SMLR1: variants seen among roughly 807,000 people sequenced by gnomAD.
The protein encoded by SMLR1 is small leucine-rich protein 1.
SMLR1 carries 3 observed loss-of-function variants against 6.1 expected under a neutral mutation model. That is an observed-to-expected ratio of 0.49 (90% CI 0.22 to 1.28). SMLR1 has a LOEUF of 1.28. SMLR1 is among the 50% of genes most tolerant of loss of function. The probability of loss-of-function intolerance (pLI) is 0.19; values close to 1 mark genes in which losing one functional copy is unlikely to be tolerated. For missense variants in SMLR1, 126 were observed against 124.8 expected, an observed-to-expected ratio of 1.01 and a Z score of -0.05; for synonymous variants, 55 against 53.6, an observed-to-expected ratio of 1.03 and a Z score of -0.11.
In SMLR1 at chr6:130,835,210, T is replaced by C. The variant is rs1774616244; in HGVS notation, c.*255T>C. ...CTGGGTATATACACTGGACACATTG[T>C]AACTTTTTAACTTTTATTGTGACTG... On this transcript the variant is annotated 3_prime_UTR_variant, in exon 2 of 2. Coordinates refer to ENST00000541421, the MANE Select transcript of SMLR1 (RefSeq NM_001195597.2). 5.4e-6 allele frequency: 2 copies of C among 372,096 alleles called. No individual in the cohort carries two copies. The highest frequency in any genetic ancestry group is 3.8e-5 in the Admixed American group (1 of 26,120). The allele number at this position is 372,096 out of a possible 1,614,324, so 23.0% of individuals were successfully genotyped here. A position where few individuals can be genotyped will look rare whatever the true frequency, so the allele number is the denominator to read the frequency against.
Position 130,835,085 on chromosome 6 carries a change from T to C in SMLR1, c.*130T>C. 1.3e-6 allele frequency: 1 copy of C among 759,284 alleles called. No individual in the cohort carries two copies. The highest frequency in any genetic ancestry group is 2.2e-6 in the Non-Finnish European group (1 of 463,468). The allele number at this position is 759,284 out of a possible 1,614,324, so 47.0% of individuals were successfully genotyped here. On this transcript the variant is annotated 3_prime_UTR_variant, in exon 2 of 2. Coordinates refer to ENST00000541421, the MANE Select transcript of SMLR1 (RefSeq NM_001195597.2). ...CAAAATAGAAAGAATACTAAGATACTCATTCTGAACCATACTGAAAAGTGG... is the reference window on the plus strand; with the variant it reads ...CAAAATAGAAAGAATACTAAGATACCCATTCTGAACCATACTGAAAAGTGG...
chr6:130,830,311 C>T (rs1427403299), intron 1 of SMLR1, among the ~76,000 whole-genome samples: 1 of 152,040 alleles, frequency 6.6e-6, no homozygotes, highest in Admixed American at 6.6e-5. Flanking sequence ...TGTGGTTTTT[C>T]CCCATTGTCT....
intron 1 of SMLR1, among the ~76,000 whole-genome samples, chr6:130,831,342 A>G (rs6921221): frequency 0.029 from 4,350 of 151,226 alleles, 213 homozygotes; most frequent in African/African-American, 0.1. Flanking sequence ...CAGTGCATCT[A>G]TTTTTTTTTG....
At chr6:130,832,835 G>A (rs1343266243) in intron 1 of SMLR1, among the ~76,000 whole-genome samples, 1 of 152,062 alleles carries the variant, frequency 6.6e-6, no homozygotes, top group Non-Finnish European at 1.5e-5. Context: ...AGTCCTTTTG[G>A]TCCAGACAGA....
intron 1 of SMLR1, among the ~76,000 whole-genome samples, chr6:130,829,700 T>C (rs1025682307): frequency 6.6e-6 from 1 of 152,238 alleles, no homozygotes; most frequent in Non-Finnish European, 1.5e-5. Flanking sequence ...AGGCTCCCAA[T>C]AACCTCTTGT....
At chr6:130,834,731 A>G in intron 1 of SMLR1, 139 bp from the exon 2 acceptor site, 1 of 652,750 alleles carries the variant, frequency 1.5e-6, no homozygotes, top group Non-Finnish European at 2.7e-6. Flanking sequence ...CTGTAATAGG[A>G]TCTGCTTGGA....
rs1774614127 is a variant in SMLR1, at chr6:130,835,170, C to T, written c.*215C>T. ...GTATAACAGCAGCTCTTGAAAAGTA[C>T]CAAGAATGGATTTCCTGGGTATATA... On this transcript the variant is annotated 3_prime_UTR_variant, in exon 2 of 2. Coordinates refer to ENST00000541421, the MANE Select transcript of SMLR1 (RefSeq NM_001195597.2). The T allele has an allele frequency of 1.9e-6, 1 of 537,154 alleles. No homozygotes were observed. 33.3% of individuals were successfully genotyped at this position (537,154 alleles called of 1,614,324 possible). A position where few individuals can be genotyped will look rare whatever the true frequency, so the allele number is the denominator to read the frequency against.
At position 130,836,188 on chromosome 6, in the gene SMLR1, G is replaced by A. The variant is rs2048932706; in HGVS notation, c.*1233G>A. On this transcript the variant is annotated 3_prime_UTR_variant, in exon 2 of 2. Coordinates refer to ENST00000541421, the MANE Select transcript of SMLR1 (RefSeq NM_001195597.2). ...ATATAAAACTTATTGCTAGAATAAA[G>A]ACACTCACTTCTGCATTTTACTGCA... The A allele has an allele frequency of 6.6e-6, 1 of 152,118 alleles. No homozygotes were observed. Among genetic ancestry groups the A allele is most frequent in the South Asian group, 2.1e-4 (1 of 4,828 alleles). The allele number at this position is 152,118 out of a possible 1,614,324, so 9.4% of individuals were successfully genotyped here. A position where few individuals can be genotyped will look rare whatever the true frequency, so the allele number is the denominator to read the frequency against.
At chr6:130,829,710 T>C (rs1583392910) in intron 1 of SMLR1, among the ~76,000 whole-genome samples, 1 of 152,216 alleles carries the variant, frequency 6.6e-6, no homozygotes. Context: ...TAACCTCTTG[T>C]TTCTTCACAC....
At chr6:130,827,864 G>A (rs1477382586) in intron 1 of SMLR1, among the ~76,000 whole-genome samples, 3 of 149,252 alleles carry the variant, frequency 2.0e-5, no homozygotes, top group Non-Finnish European at 4.5e-5. Flanking sequence ...GAGATGTGAA[G>A]GTCTGCTGTA....
intron 1 of SMLR1, among the ~76,000 whole-genome samples, chr6:130,831,172 C>T (rs1774433260): frequency 6.6e-6 from 1 of 152,046 alleles, no homozygotes; most frequent in Non-Finnish European, 1.5e-5. Flanking sequence ...AGACTGAGCC[C>T]AAAGCAAACC....
intron 1 of SMLR1, among the ~76,000 whole-genome samples, chr6:130,831,517 G>A (rs1405138399): frequency 6.6e-6 from 1 of 152,016 alleles, no homozygotes. Flanking sequence ...TTATAGTTCT[G>A]GCACCATTTT....
chr6:130,836,940 T>C lies in SMLR1; in HGVS notation c.*1985T>C, dbSNP rs1196962462. 1 of 152,136 alleles carries C rather than the reference T, an allele frequency of 6.6e-6. No homozygotes were observed. The highest frequency in any genetic ancestry group is 1.9e-4 in the East Asian group (1 of 5,190). The allele number at this position is 152,136 out of a possible 1,614,324, so 9.4% of individuals were successfully genotyped here. A position where few individuals can be genotyped will look rare whatever the true frequency, so the allele number is the denominator to read the frequency against. ...GACCAAGTCGGCAGTCTCCCTACAT[T>C]ACCCTACATTCAGCTGCATCCTATG... On this transcript the variant is annotated 3_prime_UTR_variant, in exon 2 of 2. Coordinates refer to ENST00000541421, the MANE Select transcript of SMLR1 (RefSeq NM_001195597.2).
At chr6:130,831,774 T>C (rs754804578) in intron 1 of SMLR1, among the ~76,000 whole-genome samples, 17 of 152,094 alleles carry the variant, frequency 1.1e-4, no homozygotes, top group Non-Finnish European at 2.2e-4. Context: ...AACCCCAGAG[T>C]CCTGCATTCT....
At chr6:130,831,408 T>G (rs148540426) in intron 1 of SMLR1, among the ~76,000 whole-genome samples, 1 of 152,306 alleles carries the variant, frequency 6.6e-6, no homozygotes, top group Non-Finnish European at 1.5e-5. Context: ...ACTATGGATA[T>G]TTTCGTTTTT....
At position 130,834,835 on chromosome 6, in the gene SMLR1, G is replaced by A. The variant is rs538064755; in HGVS notation, c.239-35G>A. On this transcript the variant is annotated intron_variant, in intron 1 of 1. Transcript: ENST00000541421. ...TCTAAATGACCAATGGCACTCAGAT[G>A]TCTCCAAATTATTAACTAATATTTT... 1.4e-5 allele frequency: 21 copies of A among 1,512,918 alleles called. No homozygotes were observed. In the Admixed American group the frequency reaches 3.1e-4, roughly 23 times the overall value. The allele number at this position is 1,512,918 out of a possible 1,614,324, so 93.7% of individuals were successfully genotyped here.
At chr6:130,830,282 G>T (rs909839764) in intron 1 of SMLR1, among the ~76,000 whole-genome samples, 7 of 152,070 alleles carry the variant, frequency 4.6e-5, no homozygotes, top group Non-Finnish European at 7.4e-5. Context: ...CCCCAGCCAG[G>T]TTATGAGCCT....
Position 130,834,951 on chromosome 6 carries a change from C to T in SMLR1, c.320C>T (p.Thr107Met), listed in dbSNP as rs1017364646. Residue 107 changes from threonine to methionine, a missense_variant, in exon 2 of 2, where the codon ACG (threonine) becomes ATG (methionine). Thr to Met is a moderately conservative substitution (Grantham distance 81). Coordinates refer to ENST00000541421, the MANE Select transcript of SMLR1 (RefSeq NM_001195597.2). ...GSSLYQRMKW[T>M] ...TCCCTGTACCAGAGAATGAAATGGA[C>T]GTGAAGTTGGGGACTTTCCAATAAC... 5.9e-6 allele frequency: 9 copies of T among 1,534,874 alleles called. No individual in the cohort carries two copies. Among genetic ancestry groups the T allele is most frequent in the East Asian group, 2.4e-5 (1 of 40,914 alleles).
intron 1 of SMLR1, among the ~76,000 whole-genome samples, chr6:130,832,627 G>A (rs1169511125): frequency 6.6e-6 from 1 of 152,158 alleles, no homozygotes; most frequent in Admixed American, 6.5e-5. Flanking sequence ...ATTCTAAGAA[G>A]GCACTGTTTG....
Sources: gnomAD v4.1 joint callset for allele counts (sites outside exome capture counted in the v4.1 genomes callset) on GRCh38, gnomAD v4.1.1 for gene constraint, MANE v1.5 for transcripts, NCBI Gene and HGNC (gene_info 2026-07-23, HGNC 2026-07-21) for gene names.